Variants in INPP5A observed in about 807,000 individuals in gnomAD.
INPP5A encodes the protein 43 kDa inositol polyphosphate 5-phophatase.
INPP5A carries 14 observed loss-of-function variants against 65.2 expected under a neutral mutation model. That is an observed-to-expected ratio of 0.21 (90% CI 0.14 to 0.34). The LOEUF (loss-of-function observed/expected upper bound fraction) is 0.34. Among genes scored for constraint, INPP5A ranks in the 10% least tolerant of loss-of-function variants. The pLI is 1.00. For missense variants in INPP5A, 431 were observed against 545.6 expected, an observed-to-expected ratio of 0.79 and a Z score of 2.09; for synonymous variants, 207 against 208.3, an observed-to-expected ratio of 0.99 and a Z score of 0.05.
At chr10:132,781,511 G>A (rs894096578) in intron 14 of INPP5A, among the ~76,000 whole-genome samples, 7 of 152,250 alleles carry the variant, frequency 4.6e-5, no homozygotes, top group Non-Finnish European at 7.3e-5. Flanking sequence ...TGCCAGGTGC[G>A]GCAGAGCCGA....
At chr10:132,618,918 C>A (rs1440098331) in intron 2 of INPP5A, among the ~76,000 whole-genome samples, 2 of 152,212 alleles carry the variant, frequency 1.3e-5, no homozygotes, top group African/African-American at 4.8e-5. Flanking sequence ...CCCCATGATC[C>A]AAACACCTCC....
At chr10:132,685,298 G>T (rs541833731) in intron 4 of INPP5A, among the ~76,000 whole-genome samples, 27 of 152,360 alleles carry the variant, frequency 1.8e-4, no homozygotes, top group African/African-American at 6.0e-4. Flanking sequence ...TCCCCCTGGG[G>T]CGCACTGGGA....
intron 8 of INPP5A, among the ~76,000 whole-genome samples, chr10:132,719,762 T>G (rs1344521376): frequency 4.1e-4 from 48 of 118,344 alleles, no homozygotes; most frequent in East Asian, 5.8e-4. Flanking sequence ...CCTGGGTTCT[T>G]TCTGTGTGCC....
At chr10:132,756,347 CATGT>C (rs926166928) in intron 11 of INPP5A, among the ~76,000 whole-genome samples, 2 of 151,716 alleles carry the variant, frequency 1.3e-5, no homozygotes, top group Non-Finnish European at 2.9e-5. Flanking sequence ...GTGGTGTATG[CATGT>C]GTGTGTACAC....
At position 132,780,872 on chromosome 10, in the gene INPP5A, C is replaced by T. The variant is rs1386698679; in HGVS notation, c.1113C>T (p.Val371=). 2 of 1,612,936 alleles carry T rather than the reference C, an allele frequency of 1.2e-6. No individual in the cohort carries two copies. The highest frequency in any genetic ancestry group is 1.1e-5 in the South Asian group (1 of 91,070). ...VLRSESEEKV[V]TYDHIGPNVC... is the part of the protein sequence containing the mutation. ...AGTCGGAGAGCGAGGAGAAGGTTGT[C>T]ACCTATGACCACATTGGGCCCAACG... is the stretch of plus-strand genomic sequence containing the variant. Residue 371 remains valine, a synonymous_variant, in exon 14 of 16, where the codon GTC becomes GTT. Coordinates refer to ENST00000368594, the MANE Select transcript of INPP5A (RefSeq NM_005539.5).
rs971232087 is a variant in INPP5A, at chr10:132,659,886, A to G, written c.306+9381A>G. 6.6e-6 allele frequency among the ~76,000 whole-genome samples: 1 copy of G among 152,230 alleles called. No homozygotes were observed. Among genetic ancestry groups the G allele is most frequent in the African/African-American group, 2.4e-5 (1 of 41,454 alleles). On this transcript the variant is annotated intron_variant, in intron 4 of 15. Coordinates refer to ENST00000368594, the MANE Select transcript of INPP5A (RefSeq NM_005539.5). This position sits in a 1 kb window ranked among gnomAD's most constrained non-coding sequence, Gnocchi z 5.5. ...CCAGTGCTGTCAGCTGGGCTCCAGA[A>G]ACCTGAGGACATGCAGCCTGCAGCT...
rs548070456 is a variant in INPP5A, at chr10:132,718,647, G to A, written c.648-8174G>A. 4.9e-4 allele frequency among the ~76,000 whole-genome samples: 69 copies of A among 140,542 alleles called. 1 individual carries two copies. Among genetic ancestry groups the A allele is most frequent in the Admixed American group, 1.6e-3 (22 of 13,608 alleles). The allele number at this position is 140,542 out of a possible 152,430, so 92.2% of individuals were successfully genotyped here. The stretch of plus-strand genomic sequence containing the variant: ...TGTGGTGCCTGGTTTCTGTCTGGGC[G>A]CCTTAGATGCTGTCTTCAGGGTTCT... On this transcript the variant is annotated intron_variant, in intron 8 of 15. Coordinates refer to ENST00000368594, the MANE Select transcript of INPP5A (RefSeq NM_005539.5).
chr10:132,612,739 T>C (rs902169949), intron 2 of INPP5A, among the ~76,000 whole-genome samples: 1 of 152,230 alleles, frequency 6.6e-6, no homozygotes, highest in Non-Finnish European at 1.5e-5. Context: ...GTCCGCTCTC[T>C]AGGCTTCCTG....
chr10:132,747,529 C>A (rs1049572170), intron 9 of INPP5A, among the ~76,000 whole-genome samples: 1 of 152,228 alleles, frequency 6.6e-6, no homozygotes, highest in Non-Finnish European at 1.5e-5. Context: ...CCTCTCAGTT[C>A]CTGCTGAGCG....
At chr10:132,692,045 G>T (rs543786527) in intron 5 of INPP5A, among the ~76,000 whole-genome samples, 2 of 151,470 alleles carry the variant, frequency 1.3e-5, no homozygotes, top group Admixed American at 6.6e-5. Flanking sequence ...CAGCGCAGTC[G>T]GGGGGCCTCG....
chr10:132,565,042 T>A (rs2071255842), intron 1 of INPP5A, among the ~76,000 whole-genome samples: 1 of 152,246 alleles, frequency 6.6e-6, no homozygotes, highest in South Asian at 2.1e-4. Context: ...GAGTTTGGAA[T>A]GTCCCTGCGT....
At chr10:132,568,637 A>C (rs1202525477) in intron 1 of INPP5A, among the ~76,000 whole-genome samples, 1 of 151,998 alleles carries the variant, frequency 6.6e-6, no homozygotes, top group Non-Finnish European at 1.5e-5. Flanking sequence ...GGCACCCGTA[A>C]TATCAGCCAC....
At chr10:132,695,998 G>A (rs1355681728) in intron 5 of INPP5A, among the ~76,000 whole-genome samples, 1 of 152,156 alleles carries the variant, frequency 6.6e-6, no homozygotes, top group East Asian at 1.9e-4. Flanking sequence ...AGAATGTGAG[G>A]TCAGAGCCCT....
At chr10:132,775,672 A>G (rs1460046287) in intron 12 of INPP5A, among the ~76,000 whole-genome samples, 1 of 152,158 alleles carries the variant, frequency 6.6e-6, no homozygotes, top group Non-Finnish European at 1.5e-5. Context: ...CTCCCAGGGA[A>G]GCCCTTCCTG....
At chr10:132,554,614 G>A (rs1432940806) in intron 1 of INPP5A, among the ~76,000 whole-genome samples, 3 of 151,968 alleles carry the variant, frequency 2.0e-5, no homozygotes, top group Non-Finnish European at 4.4e-5. Flanking sequence ...CCATGTGGGT[G>A]GCATGATTAG....
At chr10:132,724,602 G>A (rs1226687312) in intron 8 of INPP5A, among the ~76,000 whole-genome samples, 3 of 151,148 alleles carry the variant, frequency 2.0e-5, no homozygotes, top group African/African-American at 7.3e-5. Flanking sequence ...CCCCAGGCCA[G>A]CAGGAGCACA....
At chr10:132,743,551 C>A (rs889257983) in intron 9 of INPP5A, among the ~76,000 whole-genome samples, 18 of 152,270 alleles carry the variant, frequency 1.2e-4, no homozygotes, top group African/African-American at 3.1e-4. Context: ...TCCATTCATT[C>A]ATTTGTCCCG....
intron 9 of INPP5A, among the ~76,000 whole-genome samples, chr10:132,748,618 T>C (rs916985693): frequency 1.3e-5 from 2 of 152,230 alleles, no homozygotes; most frequent in Admixed American, 6.5e-5. Flanking sequence ...ACGAGAAGAA[T>C]TTTCAAAACA....
chr10:132,760,755 G>A (rs1394787312), intron 11 of INPP5A, among the ~76,000 whole-genome samples: 1 of 152,198 alleles, frequency 6.6e-6, no homozygotes, highest in Non-Finnish European at 1.5e-5. Context: ...AGGACGCTCG[G>A]TTTCCCATCT....
Sources: allele counts gnomAD v4.1 joint callset (sites outside exome capture counted in the v4.1 genomes callset), GRCh38; gene constraint gnomAD v4.1.1; non-coding constraint Gnocchi (gnomAD v3.1); transcripts MANE v1.5; gene names NCBI Gene and HGNC (gene_info 2026-07-23, HGNC 2026-07-21).